The following TBC1D19 variants were observed in gnomAD, a reference collection of about 807,000 sequenced individuals.
TBC1D19 encodes the protein TBC1 domain family member 19.
Under a neutral mutation model 89.0 loss-of-function variants are expected in TBC1D19, and 60 were observed. That is an observed-to-expected ratio of 0.67 (90% confidence interval 0.55 to 0.84). The LOEUF is 0.84. TBC1D19 is among the 40% of genes least tolerant of loss of function. The pLI is 0.00. For synonymous variants in TBC1D19, 189 were observed against 199.7 expected, an observed-to-expected ratio of 0.95 and a Z score of 0.45; for missense variants, 500 against 610.8, an observed-to-expected ratio of 0.82 and a Z score of 1.91.
chr4:26,679,241 G>T (rs971640748), intron 11 of TBC1D19, among the ~76,000 whole-genome samples: 4 of 152,118 alleles, frequency 2.6e-5, no homozygotes, highest in Non-Finnish European at 4.4e-5. Flanking sequence ...CCTGAGCCAA[G>T]CCCCGGGCCC....
intron 13 of TBC1D19, among the ~76,000 whole-genome samples, chr4:26,694,952 G>A (rs1714633696): frequency 6.6e-6 from 1 of 152,280 alleles, no homozygotes; most frequent in South Asian, 2.1e-4. Context: ...AAAAAACAGA[G>A]CAGAAAAGCT....
chr4:26,576,866 G>A (rs1738985985), intron 1 of TBC1D19: 1 of 455,882 alleles, frequency 2.2e-6, no homozygotes, highest in African/African-American at 2.0e-5. Flanking sequence ...GTATCTGTTG[G>A]GATGGTTAAA....
chr4:26,594,875 C>A (rs988537516), intron 1 of TBC1D19, among the ~76,000 whole-genome samples: 1 of 152,184 alleles, frequency 6.6e-6, no homozygotes, highest in African/African-American at 2.4e-5. Context: ...GTCTCAAAAA[C>A]AACAACAACG....
At chr4:26,693,706 A>G (rs1470994749) in intron 13 of TBC1D19, among the ~76,000 whole-genome samples, 1 of 151,614 alleles carries the variant, frequency 6.6e-6, no homozygotes, top group Non-Finnish European at 1.5e-5. Flanking sequence ...AAAAAAAAAA[A>G]GGTAAAGTAA....
chr4:26,840,860 T>C, the TBC1D19 span, among the ~76,000 whole-genome samples: 1 of 152,086 alleles, frequency 6.6e-6, no homozygotes, highest in Non-Finnish European at 1.5e-5. Context: ...TCCTTCTCAC[T>C]GCCCTTCTTC....
At chr4:26,725,457 G>C (rs1424564004) in intron 15 of TBC1D19, among the ~76,000 whole-genome samples, 1 of 151,816 alleles carries the variant, frequency 6.6e-6, no homozygotes, top group Non-Finnish European at 1.5e-5. Context: ...TGTCGTCCAG[G>C]CTGGAATGCA....
At chr4:26,793,637 C>A in the TBC1D19 span, among the ~76,000 whole-genome samples, 1 of 149,536 alleles carries the variant, frequency 6.7e-6, no homozygotes, top group South Asian at 2.1e-4. Flanking sequence ...GTGGGGGAAT[C>A]GCTTGAAACC....
At chr4:26,681,261 G>A (rs539962242) in intron 11 of TBC1D19, among the ~76,000 whole-genome samples, 14 of 152,096 alleles carry the variant, frequency 9.2e-5, no homozygotes, top group Admixed American at 4.6e-4. Context: ...AGCCTTGGCC[G>A]GGCGTGGTGG....
intron 12 of TBC1D19, 53 bp from the exon 13 acceptor site, chr4:26,688,292 C>T: frequency 6.5e-7 from 1 of 1,533,714 alleles, no homozygotes; most frequent in Non-Finnish European, 8.8e-7. Context: ...TGCTTTAGTA[C>T]TACAGACAGA....
chr4:26,852,991 T>C, the TBC1D19 span, among the ~76,000 whole-genome samples: 2 of 152,246 alleles, frequency 1.3e-5, no homozygotes, highest in African/African-American at 4.8e-5. Context: ...GTCTGGACTG[T>C]GCAGCAGCCT....
At chr4:26,792,139 AT>A in the TBC1D19 span, among the ~76,000 whole-genome samples, 1,354 of 150,178 alleles carry the variant, frequency 9.0e-3, 21 homozygotes, top group African/African-American at 0.03. Flanking sequence ...AGGTTTATGC[AT>A]TTTTTTTTCT....
chr4:26,841,593 G>C, the TBC1D19 span, among the ~76,000 whole-genome samples: 8 of 152,160 alleles, frequency 5.3e-5, no homozygotes, highest in Admixed American at 2.6e-4. Context: ...GCGAGCTGGT[G>C]AGAGGGGGAA....
chr4:26,787,929 A>G, the TBC1D19 span, among the ~76,000 whole-genome samples: 1 of 152,148 alleles, frequency 6.6e-6, no homozygotes, highest in African/African-American at 2.4e-5. Flanking sequence ...CTCCCCAGGG[A>G]GCAGCTGAAA....
chr4:26,720,009 C>T, intron 14 of TBC1D19, 72 bp from the exon 15 acceptor site: 4 of 1,322,166 alleles, frequency 3.0e-6, no homozygotes, highest in Non-Finnish European at 4.2e-6. Context: ...TTAGTACATT[C>T]ACAAAATAAG....
chr4:26,833,225 G>A, the TBC1D19 span, among the ~76,000 whole-genome samples: 3 of 152,056 alleles, frequency 2.0e-5, no homozygotes, highest in Non-Finnish European at 2.9e-5. Flanking sequence ...CAAGTGCCAA[G>A]CTAGAAGACG....
At chr4:26,850,744 G>A in the TBC1D19 span, among the ~76,000 whole-genome samples, 1 of 152,056 alleles carries the variant, frequency 6.6e-6, no homozygotes, top group Non-Finnish European at 1.5e-5. Context: ...AGAACTGTGA[G>A]ACAAAAAATT....
At chr4:26,669,587 T>C (rs969136633) in intron 9 of TBC1D19, among the ~76,000 whole-genome samples, 11 of 151,780 alleles carry the variant, frequency 7.2e-5, no homozygotes. Flanking sequence ...AGCAAAATTA[T>C]TGTATTTCAC....
At chr4:26,633,303 G>A (rs1742914377) in intron 4 of TBC1D19, among the ~76,000 whole-genome samples, 1 of 152,118 alleles carries the variant, frequency 6.6e-6, no homozygotes, top group Non-Finnish European at 1.5e-5. Flanking sequence ...CCCAGACCAA[G>A]AGGCTGAATT....
the TBC1D19 span, among the ~76,000 whole-genome samples, chr4:26,844,869 G>A: frequency 6.6e-6 from 1 of 152,158 alleles, no homozygotes; most frequent in Non-Finnish European, 1.5e-5. Context: ...CCCTTGGGAT[G>A]TTTTCAGGTG....
Sources: allele counts gnomAD v4.1 joint callset (sites outside exome capture counted in the v4.1 genomes callset), GRCh38; gene constraint gnomAD v4.1.1; transcripts MANE v1.5; gene names NCBI Gene and HGNC (gene_info 2026-07-23, HGNC 2026-07-21).